PIEZO2: variants seen among roughly 807,000 people sequenced by gnomAD.
The protein encoded by PIEZO2 is piezo-type mechanosensitive ion channel component 2.
A neutral mutation model predicts 337.3 loss-of-function variants in PIEZO2; 172 were observed. The ratio of observed to expected loss-of-function variants is 0.51; its 90% confidence interval spans 0.45 to 0.58. The LOEUF is 0.58. Ranked by LOEUF, PIEZO2 falls within the 20% of genes least tolerant of loss-of-function variation. The probability of loss-of-function intolerance (pLI) is 0.00; values close to 1 mark genes in which losing one functional copy is unlikely to be tolerated. For missense variants in PIEZO2, 3,028 were observed against 3,391.3 expected, an observed-to-expected ratio of 0.89 and a Z score of 2.66; for synonymous variants, 1,251 against 1,228.5, an observed-to-expected ratio of 1.02 and a Z score of -0.38.
At chr18:10,805,918 C>T (rs988879346) in intron 8 of PIEZO2, among the ~76,000 whole-genome samples, 2 of 152,242 alleles carry the variant, frequency 1.3e-5, no homozygotes, top group Admixed American at 6.5e-5. Flanking sequence ...GCGCCTCCTG[C>T]AGTTTTACAG....
At chr18:10,790,258 ATG>A (rs564145774) in intron 14 of PIEZO2, among the ~76,000 whole-genome samples, 3 of 152,234 alleles carry the variant, frequency 2.0e-5, no homozygotes, top group African/African-American at 7.2e-5. Context: ...ACATAAATAT[ATG>A]TGTGTGTGTA....
At chr18:10,996,511 C>G (rs1037957644) in intron 2 of PIEZO2, among the ~76,000 whole-genome samples, 4 of 152,212 alleles carry the variant, frequency 2.6e-5, no homozygotes, top group African/African-American at 7.2e-5. Flanking sequence ...TCCATTCCCC[C>G]ATCCCAACCC....
At chr18:10,978,412 G>A (rs1275826031) in intron 3 of PIEZO2, among the ~76,000 whole-genome samples, 1 of 151,884 alleles carries the variant, frequency 6.6e-6, no homozygotes, top group Admixed American at 6.6e-5. Context: ...TATGGTGTGT[G>A]AATTATATTT....
intron 21 of PIEZO2, 143 bp downstream of exon 21, chr18:10,770,005 G>T: frequency 1.2e-6 from 1 of 842,402 alleles, no homozygotes; most frequent in Non-Finnish European, 1.7e-6. Flanking sequence ...TCGGATTTCT[G>T]TAAGTGTAAG....
chr18:10,692,517 C>T (rs1346110503), intron 47 of PIEZO2, among the ~76,000 whole-genome samples: 1 of 149,792 alleles, frequency 6.7e-6, no homozygotes, highest in African/African-American at 2.5e-5. Flanking sequence ...CCCTTCCTTC[C>T]TTCTTGCTTC....
chr18:10,724,995 A>T lies in PIEZO2; in HGVS notation c.5029+6412T>A, dbSNP rs2036473417. The T allele has an allele frequency of 2.5e-6, 4 of 1,586,266 alleles. No homozygotes were observed. The highest frequency in any genetic ancestry group is 3.5e-6 in the Non-Finnish European group (4 of 1,159,164). The stretch of plus-strand genomic sequence containing the variant: ...CCCTGCCTCACATTACTAAGACTCA[A>T]AGCGATGCAGGCCATAGTGCCAGCA... On this transcript the variant is annotated intron_variant, in intron 36 of 55. Coordinates refer to ENST00000674853, the MANE Select transcript of PIEZO2 (RefSeq NM_001378183.1). This position sits in a 1 kb window ranked among gnomAD's most constrained non-coding sequence, Gnocchi z 5.8.
intron 7 of PIEZO2, among the ~76,000 whole-genome samples, chr18:10,839,096 C>G (rs1457459257): frequency 6.6e-6 from 1 of 152,206 alleles, no homozygotes; most frequent in African/African-American, 2.4e-5. Context: ...TGTCAACCAA[C>G]AGCTCTGCAA....
intron 1 of PIEZO2, among the ~76,000 whole-genome samples, chr18:11,133,201 T>C (rs977901280): frequency 6.6e-6 from 1 of 152,236 alleles, no homozygotes; most frequent in Non-Finnish European, 1.5e-5. Context: ...TCCTTTATCA[T>C]GTGACATAAG....
chr18:10,874,039 A>T (rs1041898099), intron 4 of PIEZO2, among the ~76,000 whole-genome samples: 1 of 152,178 alleles, frequency 6.6e-6, no homozygotes, highest in Non-Finnish European at 1.5e-5. Context: ...GACAACCTAG[A>T]TAATTGGAAA....
chr18:11,042,090 G>T (rs577913579), intron 2 of PIEZO2, among the ~76,000 whole-genome samples: 2 of 152,208 alleles, frequency 1.3e-5, no homozygotes, highest in African/African-American at 2.4e-5. Flanking sequence ...TCTGGGGAGA[G>T]ACAATATGGA....
Position 10,877,730 on chromosome 18 carries a change from G to A in PIEZO2, c.330-6315C>T, listed in dbSNP as rs900197588. Among the ~76,000 whole-genome samples the A allele has an allele frequency of 1.3e-5, 2 of 152,096 alleles. No homozygotes were observed. Among genetic ancestry groups the A allele is most frequent in the African/African-American group, 4.8e-5 (2 of 41,418 alleles). ...TCAGGTTGTCCCCTCTGCCAGCCAGGCCTCCACATTAATATCAGAGTTTAG... is the reference window on the plus strand; with the variant it reads ...TCAGGTTGTCCCCTCTGCCAGCCAGACCTCCACATTAATATCAGAGTTTAG... On this transcript the variant is annotated intron_variant, in intron 4 of 55. Coordinates refer to ENST00000674853, the MANE Select transcript of PIEZO2 (RefSeq NM_001378183.1). The surrounding 1 kb of genome is among the most constrained non-coding windows in gnomAD (Gnocchi z 5.3).
At chr18:10,683,999 C>T (rs1055195087) in intron 49 of PIEZO2, among the ~76,000 whole-genome samples, 12 of 151,950 alleles carry the variant, frequency 7.9e-5, no homozygotes, top group African/African-American at 1.7e-4. Context: ...AATTACGCAG[C>T]CAATTTTCCC....
intron 17 of PIEZO2, among the ~76,000 whole-genome samples, chr18:10,780,893 C>T (rs1174150168): frequency 6.6e-6 from 1 of 151,730 alleles, no homozygotes; most frequent in Non-Finnish European, 1.5e-5. Context: ...AAACTCCTGA[C>T]TGCAGGTGAT....
At chr18:10,791,785 A>T (rs2039419320) in intron 13 of PIEZO2, 1 of 152,574 alleles carries the variant, frequency 6.6e-6, no homozygotes, top group Non-Finnish European at 1.5e-5. Flanking sequence ...CCCAGAAAAT[A>T]GAACCCCTTA....
At chr18:11,076,951 T>C (rs2038567792) in intron 1 of PIEZO2, among the ~76,000 whole-genome samples, 1 of 152,206 alleles carries the variant, frequency 6.6e-6, no homozygotes, top group Non-Finnish European at 1.5e-5. Context: ...CCCAAATCCT[T>C]GTGTTCAAGT....
At chr18:11,045,556 C>A (rs755935904) in intron 2 of PIEZO2, among the ~76,000 whole-genome samples, 1 of 152,054 alleles carries the variant, frequency 6.6e-6, no homozygotes, top group Non-Finnish European at 1.5e-5. Context: ...AATAGATGAA[C>A]GGACACTTGT....
At chr18:10,749,921 A>G (rs896303154) in intron 29 of PIEZO2, among the ~76,000 whole-genome samples, 170 bp downstream of exon 29, 67 of 152,342 alleles carry the variant, frequency 4.4e-4, no homozygotes, top group African/African-American at 1.5e-3. Context: ...AAGGCATCTC[A>G]TGTTATAGAC....
At chr18:11,000,711 T>A (rs181698354) in intron 2 of PIEZO2, among the ~76,000 whole-genome samples, 18 of 152,314 alleles carry the variant, frequency 1.2e-4, no homozygotes, top group African/African-American at 4.3e-4. Context: ...TCAGTGTCTG[T>A]CCTAGGCTGG....
rs2039888847 is a variant in PIEZO2, at chr18:11,116,421, T to C, written c.64+32104A>G. 6.6e-6 allele frequency among the ~76,000 whole-genome samples: 1 copy of C among 152,050 alleles called. No homozygotes were observed. The highest frequency in any genetic ancestry group is 1.5e-5 in the Non-Finnish European group (1 of 68,012). On this transcript the variant is annotated intron_variant, in intron 1 of 55. Coordinates refer to ENST00000674853, the MANE Select transcript of PIEZO2 (RefSeq NM_001378183.1). This position sits in a 1 kb window ranked among gnomAD's most constrained non-coding sequence, Gnocchi z 5.0. ...GATCTGTTTCTTGGGTGTGAAAGAA[T>C]GAAATTTGCAGGCCGGGCGCGGTGG...
Sources: gnomAD v4.1 joint callset for allele counts (sites outside exome capture counted in the v4.1 genomes callset) on GRCh38, gnomAD v4.1.1 for gene constraint, Gnocchi (gnomAD v3.1) non-coding constraint, MANE v1.5 for transcripts, NCBI Gene and HGNC (gene_info 2026-07-23, HGNC 2026-07-21) for gene names.